Variants in ADSS2 observed in about 807,000 individuals in gnomAD.
ADSS2 encodes adenylosuccinate synthetase isozyme 2.
Under a neutral mutation model 60.0 loss-of-function variants are expected in ADSS2, and 30 were observed. The ratio of observed to expected loss-of-function variants is 0.50; its 90% CI spans 0.37 to 0.68. The LOEUF (loss-of-function observed/expected upper bound fraction) is 0.68. Among genes scored for constraint, ADSS2 ranks in the 30% least tolerant of loss-of-function variants. The pLI is 0.00. For synonymous variants in ADSS2, 187 were observed against 193.1 expected (o/e 0.97, Z 0.26); for missense variants, 373 against 554.8 (o/e 0.67, Z 3.29).
intron 3 of ADSS2, among the ~76,000 whole-genome samples, chr1:244,435,138 A>AGCC (rs1273638290): frequency 7.8e-6 from 1 of 128,008 alleles, no homozygotes; most frequent in African/African-American, 2.9e-5. Flanking sequence ...ACTGCACTGC[A>AGCC]GCCTGGGTGA....
At chr1:244,431,596 C>T (rs1349383837) in intron 4 of ADSS2, among the ~76,000 whole-genome samples, 1 of 152,096 alleles carries the variant, frequency 6.6e-6, no homozygotes. Flanking sequence ...TACTAATAGA[C>T]AACATACAGG....
At chr1:244,426,559 A>G (rs1055560568) in intron 4 of ADSS2, among the ~76,000 whole-genome samples, 1 of 152,148 alleles carries the variant, frequency 6.6e-6, no homozygotes, top group Non-Finnish European at 1.5e-5. Context: ...AACCATCATA[A>G]CTGTGCACCT....
chr1:244,437,402 C>G (rs1348887031), intron 2 of ADSS2, among the ~76,000 whole-genome samples: 1 of 152,084 alleles, frequency 6.6e-6, no homozygotes, highest in Admixed American at 6.6e-5. Context: ...ATTCAATGAT[C>G]TAATACTTCT....
intron 1 of ADSS2, among the ~76,000 whole-genome samples, chr1:244,444,804 G>T (rs1370315801): frequency 6.6e-6 from 1 of 151,994 alleles, no homozygotes; most frequent in Non-Finnish European, 1.5e-5. Context: ...AGCACTACAG[G>T]TCAATAGCAC....
In ADSS2 at chr1:244,408,785, T is replaced by TA. The variant is rs1350726253; in HGVS notation, c.*800dup. The TA allele has an allele frequency of 6.6e-6, 1 of 152,152 alleles. No individual in the cohort carries two copies. Among genetic ancestry groups the TA allele is most frequent in the African/African-American group, 2.4e-5 (1 of 41,376 alleles). The allele number at this position is 152,152 out of a possible 1,614,324, so 9.4% of individuals were successfully genotyped here. On this transcript the variant is annotated 3_prime_UTR_variant, in exon 13 of 13. Transcript: ENST00000366535. Reference sequence around the variant, plus strand: ...ACTAGATTTAAAATTAATGGTAAGATAAAAAAGAAAAGATACACATTTCAG... The same window carrying TA: ...ACTAGATTTAAAATTAATGGTAAGATAAAAAAAGAAAAGATACACATTTCAG...
In ADSS2 at chr1:244,428,528, G is replaced by A. The variant is rs545605423; in HGVS notation, c.406+4017C>T. Among the ~76,000 whole-genome samples the A allele has an allele frequency of 2.4e-3, 369 of 151,616 alleles. 1 individual carries two copies. Among genetic ancestry groups the A allele is most frequent in the Middle Eastern group, 0.01 (3 of 294 alleles). Reference sequence around the variant, plus strand: ...GAAGGAAGGAAGGAAGGGAGGGAGAGAGAGAGGGAGGGAGGGAGGTCAGTT... The same window carrying A: ...GAAGGAAGGAAGGAAGGGAGGGAGAAAGAGAGGGAGGGAGGGAGGTCAGTT... On this transcript the variant is annotated intron_variant, in intron 4 of 12. Transcript: ENST00000366535.
At chr1:244,450,459 A>G (rs537979619) in intron 1 of ADSS2, among the ~76,000 whole-genome samples, 4 of 152,356 alleles carry the variant, frequency 2.6e-5, no homozygotes, top group African/African-American at 9.6e-5. Context: ...CAGTATTTGC[A>G]TTTAGCTTTT....
intron 11 of ADSS2, among the ~76,000 whole-genome samples, chr1:244,412,931 G>T (rs1362330238): frequency 6.6e-6 from 1 of 152,170 alleles, no homozygotes; most frequent in Non-Finnish European, 1.5e-5. Flanking sequence ...AAGGCAGCAT[G>T]TGCCCATCTC....
chr1:244,447,164 TTTTAA>T (rs1665412562), intron 1 of ADSS2, among the ~76,000 whole-genome samples: 1 of 152,228 alleles, frequency 6.6e-6, no homozygotes, highest in South Asian at 2.1e-4. Context: ...TAGTCACCAA[TTTTAA>T]TTTATCAATA....
chr1:244,418,693 T>C, intron 9 of ADSS2, 67 bp downstream of exon 9: 2 of 1,439,436 alleles, frequency 1.4e-6, no homozygotes, highest in Non-Finnish European at 1.9e-6. Flanking sequence ...GAGACAATAA[T>C]TCATTAAGAA....
chr1:244,411,212 C>T, intron 12 of ADSS2, 75 bp downstream of exon 12: 1 of 1,407,308 alleles, frequency 7.1e-7, no homozygotes, highest in Non-Finnish European at 9.6e-7. Flanking sequence ...GAGCGAGACT[C>T]CGTCTCAAAA....
rs181189472 is a variant in ADSS2, at chr1:244,451,543, A to G, written c.183+92T>C. On this transcript the variant is annotated intron_variant, in intron 1 of 12. Transcript: ENST00000366535. This position sits in a 1 kb window ranked among gnomAD's most constrained non-coding sequence, Gnocchi z 6.6. ...GGTGACACCTCATTTTGGCCAGTGG[A>G]TCCGGGTTCTGGGTCCGAGTTCCCG... 993 of 1,383,804 alleles carry G rather than the reference A, an allele frequency of 7.2e-4. 6 individuals carry two copies. The African/African-American group carries it at 0.013, about 18-fold the overall frequency. The allele number at this position is 1,383,804 out of a possible 1,614,324, so 85.7% of individuals were successfully genotyped here.
chr1:244,425,144 C>A (rs1030423534), intron 4 of ADSS2, among the ~76,000 whole-genome samples: 1 of 152,142 alleles, frequency 6.6e-6, no homozygotes, highest in Non-Finnish European at 1.5e-5. Flanking sequence ...GTCAGTTCAG[C>A]CTACTAGTTG....
At chr1:244,419,133 A>G in intron 8 of ADSS2, 1 of 425,506 alleles carries the variant, frequency 2.4e-6, no homozygotes. Context: ...TTATACAGAG[A>G]GGCTCCTTGA....
intron 11 of ADSS2, among the ~76,000 whole-genome samples, chr1:244,413,610 C>A (rs1002394753): frequency 4.6e-5 from 7 of 152,142 alleles, no homozygotes; most frequent in Non-Finnish European, 8.8e-5. Context: ...GAATCAGCAG[C>A]GCCAGGCATC....
rs773216679 is a variant in ADSS2 at position 244,418,888 on chromosome 1, T to C, written c.817A>G (p.Asn273Asp). 4 of 1,611,050 alleles carry C rather than the reference T, an allele frequency of 2.5e-6. No homozygotes were observed. Among genetic ancestry groups the C allele is most frequent in the African/African-American group, 1.3e-5 (1 of 74,752 alleles). Residue 273 changes from asparagine to aspartate, a missense_variant, in exon 9 of 13, where the codon AAT becomes GAT. This residue lies in a region of ADSS2 where 28 missense variants were observed against 74.4 expected (regional missense o/e 0.38). Coordinates refer to ENST00000366535, the MANE Select transcript of ADSS2 (RefSeq NM_001126.5). ...FGTYPFVTSSNCTVGGVCTGL... is the reference protein window; with the variant it reads ...FGTYPFVTSSDCTVGGVCTGL... ...GTACAAACACCTCCAACAGTACAAT[T>C]TGAAGAGGTTACAAAAGGGTAAGTC...
chr1:244,417,708 T>G lies in ADSS2; in HGVS notation c.990A>C (p.Val330=), dbSNP rs1664572303. ...LLQTRGREFG[V]TTGRKRRCGW... Reference sequence around the variant, plus strand: ...CACATCTTCTTTTCCTTCCAGTAGTTACACCAAACTCTCTACCCCTTGTTT... The same window carrying G: ...CACATCTTCTTTTCCTTCCAGTAGTGACACCAAACTCTCTACCCCTTGTTT... The change falls in exon 10 of 13, where the codon GTA becomes GTC. Residue 330 remains valine, a synonymous_variant. Transcript: ENST00000366535. 6.2e-7 allele frequency: 1 copy of G among 1,613,358 alleles called. No homozygotes were observed. The highest frequency in any genetic ancestry group is 8.5e-7 in the Non-Finnish European group (1 of 1,179,596).
intron 1 of ADSS2, among the ~76,000 whole-genome samples, chr1:244,439,648 C>T (rs753953365): frequency 2.6e-5 from 4 of 152,198 alleles, no homozygotes; most frequent in Non-Finnish European, 4.4e-5. Flanking sequence ...CCTTAGCTAC[C>T]TTGGCCGGTG....
At chr1:244,424,182 T>C (rs1430295350) in intron 5 of ADSS2, 122 bp from the exon 6 acceptor site, 3 of 1,177,012 alleles carry the variant, frequency 2.5e-6, no homozygotes, top group African/African-American at 3.1e-5. Flanking sequence ...TCTTGCTAAG[T>C]ATATGTTCAT....
Sources: allele counts gnomAD v4.1 joint callset (sites outside exome capture counted in the v4.1 genomes callset), GRCh38; gene constraint gnomAD v4.1.1; regional missense constraint gnomAD v4.1.1; non-coding constraint Gnocchi (gnomAD v3.1); transcripts MANE v1.5; gene names NCBI Gene and HGNC (gene_info 2026-07-23, HGNC 2026-07-21).